The following PALLD variants were observed in gnomAD, a reference collection of about 807,000 sequenced individuals.
PALLD encodes palladin, cytoskeletal associated protein, also known as palladin.
A neutral mutation model predicts 123.5 loss-of-function variants in PALLD; 61 were observed. That is an observed-to-expected ratio of 0.49 (90% CI 0.40 to 0.61). The LOEUF (loss-of-function observed/expected upper bound fraction) is 0.61. PALLD is among the 20% of genes least tolerant of loss of function. The probability of loss-of-function intolerance (pLI) is 0.00; values close to 1 mark genes in which losing one functional copy is unlikely to be tolerated. For missense variants in PALLD, 1,273 were observed against 1,377.0 expected, an observed-to-expected ratio of 0.92 and a Z score of 1.20; for synonymous variants, 465 against 496.4, an observed-to-expected ratio of 0.94 and a Z score of 0.84.
chr4:168,502,350 C>G (rs1320564265), intron 1 of PALLD, among the ~76,000 whole-genome samples: 1 of 152,096 alleles, frequency 6.6e-6, no homozygotes. Context: ...GAGAAACTTT[C>G]TTTGAGGGTA....
intron 3 of PALLD, among the ~76,000 whole-genome samples, chr4:168,680,586 T>C (rs1413510834): frequency 6.6e-6 from 1 of 151,948 alleles, no homozygotes; most frequent in Non-Finnish European, 1.5e-5. Flanking sequence ...CCACTGATCT[T>C]TACTATTAGG....
chr4:168,770,184 T>A lies in PALLD; in HGVS notation c.1964+58261T>A, dbSNP rs534674595. On this transcript the variant is annotated intron_variant, in intron 10 of 21. Transcript: ENST00000505667. Reference sequence around the variant, plus strand: ...CTAGCAACATCTACTCTGGAAACGGTTGTCTAAGGTTATGCCCTTTCTGGT... The same window carrying A: ...CTAGCAACATCTACTCTGGAAACGGATGTCTAAGGTTATGCCCTTTCTGGT... Among the ~76,000 whole-genome samples the A allele has an allele frequency of 2.0e-5, 3 of 152,340 alleles. No individual in the cohort carries two copies. The South Asian group carries it at 6.2e-4, about 32-fold the overall frequency.
intron 10 of PALLD, among the ~76,000 whole-genome samples, chr4:168,766,223 C>T (rs1733643087): frequency 1.3e-5 from 2 of 152,152 alleles, no homozygotes; most frequent in Admixed American, 1.3e-4. Flanking sequence ...AAGTTTTTTC[C>T]ACCTTTTTTG....
chr4:168,715,854 G>A (rs2150233519), intron 10 of PALLD, among the ~76,000 whole-genome samples: 1 of 152,276 alleles, frequency 6.6e-6, no homozygotes, highest in East Asian at 1.9e-4. Flanking sequence ...GGAGGCTGAG[G>A]CAGGAGAATG....
intron 1 of PALLD, among the ~76,000 whole-genome samples, chr4:168,510,759 C>A (rs1046355870): frequency 6.6e-6 from 1 of 152,146 alleles, no homozygotes; most frequent in Non-Finnish European, 1.5e-5. Context: ...TCATCTTTGG[C>A]TGGTTTCATG....
At chr4:168,849,815 G>A (rs1249346023) in intron 10 of PALLD, among the ~76,000 whole-genome samples, 2 of 151,050 alleles carry the variant, frequency 1.3e-5, no homozygotes, top group Admixed American at 6.6e-5. Flanking sequence ...TTCACACCAC[G>A]TGTGGCTGGC....
chr4:168,634,144 A>G (rs557115958), intron 2 of PALLD, among the ~76,000 whole-genome samples: 4 of 152,318 alleles, frequency 2.6e-5, no homozygotes, highest in Non-Finnish European at 5.9e-5. Flanking sequence ...TCAGCTGTAC[A>G]TTTAAAGATA....
At chr4:168,880,994 G>A (rs549631988) in intron 10 of PALLD, among the ~76,000 whole-genome samples, 2 of 151,928 alleles carry the variant, frequency 1.3e-5, no homozygotes, top group African/African-American at 4.8e-5. Flanking sequence ...TGCCACCTCC[G>A]CCTCTGGGTT....
At chr4:168,838,378 A>C (rs1047831529) in intron 10 of PALLD, among the ~76,000 whole-genome samples, 1 of 152,100 alleles carries the variant, frequency 6.6e-6, no homozygotes, top group African/African-American at 2.4e-5. Flanking sequence ...TGGAAGGAGC[A>C]ATGGAAGCTC....
At chr4:168,597,843 A>G in intron 2 of PALLD, among the ~76,000 whole-genome samples, 1 of 152,124 alleles carries the variant, frequency 6.6e-6, no homozygotes, top group East Asian at 1.9e-4. Context: ...AATGTTAAAG[A>G]CCATTTCAAT....
rs1301540845 is a variant in PALLD, at chr4:168,590,877, T to G, written c.909-77313T>G. Among the ~76,000 whole-genome samples the G allele has an allele frequency of 3.0e-3, 413 of 135,856 alleles. 17 individuals are homozygous for G. Among genetic ancestry groups the G allele is most frequent in the East Asian group, 0.016 (76 of 4,620 alleles). The allele number at this position is 135,856 out of a possible 152,430, so 89.1% of individuals were successfully genotyped here. A position where few individuals can be genotyped will look rare whatever the true frequency, so the allele number is the denominator to read the frequency against. On this transcript the variant is annotated intron_variant, in intron 2 of 21. Transcript: ENST00000505667. Reference sequence around the variant, plus strand: ...GGGACCTAGAAAGTTTTTTTTTTTTTTTTTTTTTTTTTTTTTTTTGAGAGG... The same window carrying G: ...GGGACCTAGAAAGTTTTTTTTTTTTGTTTTTTTTTTTTTTTTTTTGAGAGG...
intron 10 of PALLD, among the ~76,000 whole-genome samples, chr4:168,803,270 T>C (rs1739628649): frequency 6.6e-6 from 1 of 152,058 alleles, no homozygotes; most frequent in Non-Finnish European, 1.5e-5. Flanking sequence ...CATCTTACCA[T>C]GGTGGAGTTG....
In PALLD at chr4:168,680,481, C is replaced by CA. The variant is rs571607157; in HGVS notation, c.1088-822dup. On this transcript the variant is annotated intron_variant, in intron 3 of 21. Coordinates refer to ENST00000505667, the MANE Select transcript of PALLD (RefSeq NM_001166108.2). ...TGGGTGACAGAGCAAGATTCCGTCTCAAAAAAAAAAAAAAAAAAAAAAAAA... is the reference window on the plus strand; with the variant it reads ...TGGGTGACAGAGCAAGATTCCGTCTCAAAAAAAAAAAAAAAAAAAAAAAAAA... 7.4e-3 allele frequency among the ~76,000 whole-genome samples: 439 copies of CA among 59,150 alleles called. 62 individuals are homozygous for CA. The highest frequency in any genetic ancestry group is 0.025 in the African/African-American group (386 of 15,632). 38.8% of individuals were successfully genotyped at this position (59,150 alleles called of 152,430 possible).
intron 10 of PALLD, among the ~76,000 whole-genome samples, chr4:168,861,901 C>T (rs995544488): frequency 1.3e-5 from 2 of 152,038 alleles, no homozygotes; most frequent in Admixed American, 1.3e-4. Flanking sequence ...AGTGATCCTC[C>T]CCCTTCGGCC....
intron 2 of PALLD, among the ~76,000 whole-genome samples, chr4:168,599,311 A>G (rs1561289637): frequency 6.6e-6 from 1 of 152,230 alleles, no homozygotes; most frequent in Non-Finnish European, 1.5e-5. Context: ...AAATTGGCTT[A>G]CTATAAATAT....
rs1744063014 is a variant in PALLD at position 168,830,564 on chromosome 4, A to G, written c.1965-60358A>G. Among the ~76,000 whole-genome samples the G allele has an allele frequency of 2.0e-5, 3 of 152,288 alleles. No homozygotes were observed. In the South Asian group the frequency reaches 6.2e-4, roughly 32 times the overall value. Reference sequence around the variant, plus strand: ...AAAGTTACAAAATTGTATGGAAACAATTATCTAAGCTATTTTAAGTGTGTG... The same window carrying G: ...AAAGTTACAAAATTGTATGGAAACAGTTATCTAAGCTATTTTAAGTGTGTG... On this transcript the variant is annotated intron_variant, in intron 10 of 21. Coordinates refer to ENST00000505667, the MANE Select transcript of PALLD (RefSeq NM_001166108.2).
rs370334481 is a variant in PALLD at position 168,835,388 on chromosome 4, G to A, written c.1965-55534G>A. 7.5e-4 allele frequency among the ~76,000 whole-genome samples: 114 copies of A among 152,216 alleles called. 2 individuals are homozygous for A. In the South Asian group the frequency reaches 0.023, roughly 30 times the overall value. On this transcript the variant is annotated intron_variant, in intron 10 of 21. Transcript: ENST00000505667. ...AAAGCGTTCTTTGAAAGTGCTCCTG[G>A]TACTATATACGTATTGGCTCATTCT...
chr4:168,918,107 G>A (rs1340191549), intron 17 of PALLD, among the ~76,000 whole-genome samples: 1 of 151,832 alleles, frequency 6.6e-6, no homozygotes, highest in Non-Finnish European at 1.5e-5. Context: ...GCTGAGGCAG[G>A]GGAATCACTT....
rs573773642 is a variant in PALLD, at chr4:168,834,558, G to A, written c.1965-56364G>A. 8.6e-4 allele frequency among the ~76,000 whole-genome samples: 131 copies of A among 152,256 alleles called. No individual in the cohort carries two copies. The Middle Eastern group carries it at 0.01, about 12-fold the overall frequency. ...TCGAGACCAGCCTGACCAACGTGGT[G>A]AAACCCGGTCTCTACTAAAAATACA... On this transcript the variant is annotated intron_variant, in intron 10 of 21. Coordinates refer to ENST00000505667, the MANE Select transcript of PALLD (RefSeq NM_001166108.2).
Sources: gnomAD v4.1 joint callset for allele counts (sites outside exome capture counted in the v4.1 genomes callset) on GRCh38, gnomAD v4.1.1 for gene constraint, MANE v1.5 for transcripts, NCBI Gene and HGNC (gene_info 2026-07-23, HGNC 2026-07-21) for gene names.